The following SGCZ variants were observed in gnomAD, a reference collection of about 807,000 sequenced individuals.
The protein encoded by SGCZ is zeta-sarcoglycan.
In SGCZ, 40 loss-of-function variants were observed where a neutral mutation model predicts 41.3. The ratio of observed to expected loss-of-function variants is 0.97; its 90% CI spans 0.75 to 1.26. SGCZ has a LOEUF of 1.26. Ranked by LOEUF, SGCZ falls within the 50% of genes most tolerant of loss-of-function variation. The pLI is 0.00. For missense variants in SGCZ, 552 were observed against 369.8 expected, an observed-to-expected ratio of 1.49 and a Z score of -4.04; for synonymous variants, 206 against 137.5, an observed-to-expected ratio of 1.50 and a Z score of -3.49.
chr8:14,439,756 T>C (rs984271443), intron 2 of SGCZ, among the ~76,000 whole-genome samples: 11 of 151,800 alleles, frequency 7.2e-5, no homozygotes, highest in Admixed American at 2.6e-4. Flanking sequence ...GAAACAGAAA[T>C]TGAGGGGAAC....
intron 1 of SGCZ, among the ~76,000 whole-genome samples, chr8:15,028,324 G>C (rs993685152): frequency 1.3e-5 from 2 of 151,956 alleles, no homozygotes; most frequent in East Asian, 3.9e-4. Flanking sequence ...TTTCGAAGTT[G>C]AAGTCAGTTT....
At chr8:15,108,378 G>C (rs528419866) in intron 1 of SGCZ, among the ~76,000 whole-genome samples, 2 of 152,196 alleles carry the variant, frequency 1.3e-5, no homozygotes, top group African/African-American at 4.8e-5. Flanking sequence ...TGAATGTCCT[G>C]AGGGCTAAAG....
rs144299891 is a variant in SGCZ at position 14,423,547 on chromosome 8, G to A, written c.235-99343C>T. On this transcript the variant is annotated intron_variant, in intron 2 of 7. Coordinates refer to ENST00000382080, the MANE Select transcript of SGCZ (RefSeq NM_139167.4). ...TTCTCCTGCCTCAGCCTCCCTAGTA[G>A]CTGGGATTACAGGCATACACCACCA... 2.4e-3 allele frequency among the ~76,000 whole-genome samples: 358 copies of A among 152,118 alleles called. 3 individuals are homozygous for A. Among genetic ancestry groups the A allele is most frequent in the African/African-American group, 8.1e-3 (338 of 41,518 alleles).
At chr8:14,122,452 G>C (rs1446971667) in intron 5 of SGCZ, among the ~76,000 whole-genome samples, 1 of 152,150 alleles carries the variant, frequency 6.6e-6, no homozygotes, top group Non-Finnish European at 1.5e-5. Flanking sequence ...TATGTGCACA[G>C]AGATGTAGCT....
intron 1 of SGCZ, among the ~76,000 whole-genome samples, chr8:14,980,488 T>A (rs1305652472): frequency 6.6e-6 from 1 of 152,210 alleles, no homozygotes; most frequent in East Asian, 1.9e-4. Context: ...GATGAAGACA[T>A]AACCGAGACT....
intron 1 of SGCZ, among the ~76,000 whole-genome samples, chr8:14,988,851 T>C (rs1669207460): frequency 6.6e-6 from 1 of 152,200 alleles, no homozygotes; most frequent in Non-Finnish European, 1.5e-5. Flanking sequence ...CATTTATTTC[T>C]GGATATTTAA....
At chr8:14,709,854 C>T (rs1289861156) in intron 1 of SGCZ, among the ~76,000 whole-genome samples, 1 of 148,768 alleles carries the variant, frequency 6.7e-6, no homozygotes, top group African/African-American at 2.5e-5. Flanking sequence ...GTATCTGTTG[C>T]AATCTACACT....
chr8:14,736,214 C>T (rs997492379), intron 1 of SGCZ, among the ~76,000 whole-genome samples: 4 of 152,114 alleles, frequency 2.6e-5, no homozygotes, highest in Non-Finnish European at 5.9e-5. Flanking sequence ...CAGTAAACCA[C>T]CTTTTGTTCT....
intron 2 of SGCZ, among the ~76,000 whole-genome samples, chr8:14,350,099 G>C (rs556843099): frequency 6.6e-6 from 1 of 152,022 alleles, no homozygotes; most frequent in African/African-American, 2.4e-5. Flanking sequence ...CTCGTGACTT[G>C]GAAAATGTCT....
rs185334116 is a variant in SGCZ at position 14,509,846 on chromosome 8, A to C, written c.234+44886T>G. Among the ~76,000 whole-genome samples, 13 of 152,266 alleles carry C rather than the reference A, an allele frequency of 8.5e-5. No homozygotes were observed. The East Asian group carries it at 2.5e-3, about 30-fold the overall frequency. On this transcript the variant is annotated intron_variant, in intron 2 of 7. Transcript: ENST00000382080. ...AAGTGGCAGGAGAGAGAAGAGGGGC[A>C]AAGTGGGGAAGAGCCCCTTATAAAA...
At chr8:14,219,513 C>T (rs536319992) in intron 4 of SGCZ, among the ~76,000 whole-genome samples, 51 of 152,286 alleles carry the variant, frequency 3.3e-4, no homozygotes, top group African/African-American at 1.1e-3. Flanking sequence ...CTTTGGGAAG[C>T]GGAAGCGGGC....
chr8:14,553,422 C>A (rs1333613142), intron 2 of SGCZ, among the ~76,000 whole-genome samples: 1 of 152,076 alleles, frequency 6.6e-6, no homozygotes, highest in Admixed American at 6.6e-5. Flanking sequence ...TTATTATTTT[C>A]TAACTCTGTG....
chr8:14,089,543 A>G lies in SGCZ; in HGVS notation c.*900T>C, dbSNP rs913798284. 4.6e-5 allele frequency among the ~76,000 whole-genome samples: 7 copies of G among 151,992 alleles called. No homozygotes were observed. Among genetic ancestry groups the G allele is most frequent in the Admixed American group, 4.6e-4 (7 of 15,218 alleles). On this transcript the variant is annotated 3_prime_UTR_variant, in exon 8 of 8. Coordinates refer to ENST00000382080, the MANE Select transcript of SGCZ (RefSeq NM_139167.4). ...GAGTGGAGCAAACAAAAATTATACT[A>G]TTAAAACCTAGGTGTAAAGGATAGC...
chr8:15,054,779 C>T (rs1382919639), intron 1 of SGCZ, among the ~76,000 whole-genome samples: 2 of 151,664 alleles, frequency 1.3e-5, no homozygotes, highest in African/African-American at 2.4e-5. Flanking sequence ...ACGGTGAAAC[C>T]CCGTCTCTAC....
At chr8:14,967,298 C>G (rs1460498073) in intron 1 of SGCZ, among the ~76,000 whole-genome samples, 2 of 152,132 alleles carry the variant, frequency 1.3e-5, no homozygotes, top group African/African-American at 4.8e-5. Context: ...GTTTCAAGTG[C>G]AAAGGGATAG....
intron 1 of SGCZ, among the ~76,000 whole-genome samples, chr8:14,571,036 TA>T (rs1405788631): frequency 2.6e-5 from 4 of 152,208 alleles, no homozygotes; most frequent in Non-Finnish European, 5.9e-5. Flanking sequence ...CGCACTGCTA[TA>T]AAGAACACCT....
intron 1 of SGCZ, among the ~76,000 whole-genome samples, chr8:14,908,101 TA>T (rs1799172779): frequency 1.3e-5 from 2 of 152,216 alleles, no homozygotes; most frequent in Admixed American, 1.3e-4. Flanking sequence ...GTAGCATATC[TA>T]AAGTCAGGGC....
intron 1 of SGCZ, among the ~76,000 whole-genome samples, chr8:15,078,420 G>A (rs1277788761): frequency 6.6e-6 from 1 of 151,690 alleles, no homozygotes; most frequent in African/African-American, 2.4e-5. Flanking sequence ...CTCAGGTCAG[G>A]ACTCCATTGC....
intron 1 of SGCZ, among the ~76,000 whole-genome samples, chr8:14,687,183 T>C (rs1428013871): frequency 1.4e-5 from 2 of 146,724 alleles, no homozygotes; most frequent in Non-Finnish European, 3.0e-5. Context: ...TATATATATA[T>C]ATATATATTT....
Sources: allele counts gnomAD v4.1 joint callset (sites outside exome capture counted in the v4.1 genomes callset), GRCh38; gene constraint gnomAD v4.1.1; transcripts MANE v1.5; gene names NCBI Gene and HGNC (gene_info 2026-07-23, HGNC 2026-07-21).